Variants in CHRNB3 observed in about 807,000 individuals in gnomAD.
CHRNB3 encodes cholinergic receptor nicotinic beta 3 subunit.
In CHRNB3, 37 loss-of-function variants were observed where a neutral mutation model predicts 40.6. The ratio of observed to expected loss-of-function variants is 0.91; its 90% confidence interval spans 0.70 to 1.20. The LOEUF (loss-of-function observed/expected upper bound fraction) is 1.20, where lower values mean the gene tolerates loss of function less well. Among genes scored for constraint, CHRNB3 ranks in the 50% most tolerant of loss-of-function variants. The probability of loss-of-function intolerance (pLI) is 0.00; values close to 1 mark genes in which losing one functional copy is unlikely to be tolerated. For synonymous variants in CHRNB3, 207 were observed against 207.1 expected, an observed-to-expected ratio of 1.00 and a Z score of 0.00; for missense variants, 505 against 551.2, an observed-to-expected ratio of 0.92 and a Z score of 0.84.
At chr8:42,703,568 T>C (rs1815864686) in intron 1 of CHRNB3, among the ~76,000 whole-genome samples, 1 of 151,226 alleles carries the variant, frequency 6.6e-6, no homozygotes. Flanking sequence ...ATATAAGTTA[T>C]TTTGCAAATT....
At position 42,697,533 on chromosome 8, in the gene CHRNB3, A is replaced by C. The variant is rs779411567; in HGVS notation, c.-14A>C. On this transcript the variant is annotated 5_prime_UTR_variant, in exon 1 of 6. Transcript: ENST00000289957. Reference sequence around the variant, plus strand: ...TAAAAAGGAAGAAACTGTCTTTCTGAAACTGACATCACGATGCTCCCAGAT... The same window carrying C: ...TAAAAAGGAAGAAACTGTCTTTCTGCAACTGACATCACGATGCTCCCAGAT... 13 of 1,611,290 alleles carry C rather than the reference A, an allele frequency of 8.1e-6. No individual in the cohort carries two copies. The highest frequency in any genetic ancestry group is 1.6e-4 in the Middle Eastern group (1 of 6,078).
chr8:42,736,691 G>A lies in CHRNB3; in HGVS notation c.*73G>A. The A allele has an allele frequency of 6.4e-7, 1 of 1,562,020 alleles. No homozygotes were observed. The highest frequency in any genetic ancestry group is 2.2e-5 in the East Asian group (1 of 44,524). On this transcript the variant is annotated 3_prime_UTR_variant, in exon 6 of 6. Transcript: ENST00000289957. ...GCTATCACACAGACAGAATCCAAAT[G>A]CATGTGCTTGTTCTACGAACCCCGA...
rs746642865 is a variant in CHRNB3, at chr8:42,731,776, G to A, written c.469G>A (p.Val157Ile). 1 of 1,614,026 alleles carries A rather than the reference G, an allele frequency of 6.2e-7. No individual in the cohort carries two copies. The highest frequency in any genetic ancestry group is 2.2e-5 in the East Asian group (1 of 44,876). ...CTACAAAAGCTCCTGCACCATGGAC[G>A]TCACGTTTTTCCCGTTCGACCGACA... The part of the protein sequence containing the change: ...ASYKSSCTMD[V>I]TFFPFDRQNC... The change falls in exon 5 of 6, where the codon GTC becomes ATC. Residue 157 changes from valine (V) to isoleucine (I), a missense_variant. Coordinates refer to ENST00000289957, the MANE Select transcript of CHRNB3 (RefSeq NM_000749.5).
intron 3 of CHRNB3, among the ~76,000 whole-genome samples, chr8:42,726,655 T>G (rs995118592): frequency 7.9e-5 from 12 of 151,960 alleles, no homozygotes; most frequent in African/African-American, 2.4e-5. Flanking sequence ...CCCACCATCA[T>G]GCCCGGCTAA....
At position 42,736,465 on chromosome 8, in the gene CHRNB3, A is replaced by G. The variant is rs1239854077; in HGVS notation, c.1243-19A>G. Reference sequence around the variant, plus strand: ...TTGCTCAGTGTCTTGAGTGAAAGGCATCTTTTTCTCTTTTGCAGGTAGTAC... The same window carrying G: ...TTGCTCAGTGTCTTGAGTGAAAGGCGTCTTTTTCTCTTTTGCAGGTAGTAC... On this transcript the variant is annotated intron_variant, in intron 5 of 5. Coordinates refer to ENST00000289957, the MANE Select transcript of CHRNB3 (RefSeq NM_000749.5). 3.7e-6 allele frequency: 6 copies of G among 1,613,610 alleles called. No homozygotes were observed. Among genetic ancestry groups the G allele is most frequent in the South Asian group, 1.1e-5 (1 of 90,938 alleles).
chr8:42,725,934 C>G lies in CHRNB3; in HGVS notation c.250-4660C>G, dbSNP rs1816301209. On this transcript the variant is annotated intron_variant, in intron 3 of 5. Coordinates refer to ENST00000289957, the MANE Select transcript of CHRNB3 (RefSeq NM_000749.5). Reference sequence around the variant, plus strand: ...CAATGGTTCTCTGCACCAGTAAACTCACGCCATCAATCCTTTCGATGCGTA... The same window carrying G: ...CAATGGTTCTCTGCACCAGTAAACTGACGCCATCAATCCTTTCGATGCGTA... 2.2e-5 allele frequency: 20 copies of G among 925,438 alleles called. 1 individual carries two copies. In the South Asian group the frequency reaches 2.6e-4, roughly 12 times the overall value. 57.3% of individuals were successfully genotyped at this position (925,438 alleles called of 1,614,324 possible).
chr8:42,707,333 T>C (rs1158222471), intron 1 of CHRNB3, among the ~76,000 whole-genome samples: 1 of 152,216 alleles, frequency 6.6e-6, no homozygotes, highest in Non-Finnish European at 1.5e-5. Context: ...GGAGGGTATG[T>C]CTCTCATGAG....
chr8:42,700,048 C>T (rs1815757039), intron 1 of CHRNB3, among the ~76,000 whole-genome samples: 1 of 150,806 alleles, frequency 6.6e-6, no homozygotes, highest in Non-Finnish European at 1.5e-5. Context: ...GAGTCTCGCT[C>T]TGTCGCCCAG....
intron 3 of CHRNB3, among the ~76,000 whole-genome samples, chr8:42,724,502 A>T (rs908884754): frequency 6.6e-6 from 1 of 152,112 alleles, no homozygotes; most frequent in African/African-American, 2.4e-5. Flanking sequence ...GGCCCCAGGA[A>T]TCTCCAGATT....
In CHRNB3 at chr8:42,703,429, A is replaced by T. The variant is rs1349084817; in HGVS notation, c.53-5288A>T. Reference sequence around the variant, plus strand: ...ACAGAGCAAGACTTCGTCTAAAAAAAAAAAAAATATTTATATATATATATA... The same window carrying T: ...ACAGAGCAAGACTTCGTCTAAAAAATAAAAAAATATTTATATATATATATA... On this transcript the variant is annotated intron_variant, in intron 1 of 5. Coordinates refer to ENST00000289957, the MANE Select transcript of CHRNB3 (RefSeq NM_000749.5). Among the ~76,000 whole-genome samples the T allele has an allele frequency of 6.5e-3, 214 of 32,962 alleles. 2 individuals carry two copies. Among genetic ancestry groups the T allele is most frequent in the African/African-American group, 0.012 (204 of 16,548 alleles). The allele number at this position is 32,962 out of a possible 152,430, so 21.6% of individuals were successfully genotyped here. A position where few individuals can be genotyped will look rare whatever the true frequency, so the allele number is the denominator to read the frequency against.
At chr8:42,717,800 A>G (rs1372665713) in intron 3 of CHRNB3, among the ~76,000 whole-genome samples, 3 of 140,600 alleles carry the variant, frequency 2.1e-5, no homozygotes, top group Admixed American at 1.4e-4. Flanking sequence ...TTCTGTTGCC[A>G]CCTTTGAGCT....
Position 42,736,468 on chromosome 8 carries a change from T to A in CHRNB3, c.1243-16T>A. ...CTCAGTGTCTTGAGTGAAAGGCATC[T>A]TTTTCTCTTTTGCAGGTAGTACAAG... On this transcript the variant is annotated splice_polypyrimidine_tract_variant and intron_variant, in intron 5 of 5. Transcript: ENST00000289957. The A allele has an allele frequency of 6.2e-7, 1 of 1,613,586 alleles. No homozygotes were observed. The highest frequency in any genetic ancestry group is 8.5e-7 in the Non-Finnish European group (1 of 1,179,870).
At chr8:42,705,481 G>C (rs1337489575) in intron 1 of CHRNB3, 2 of 152,210 alleles carry the variant, frequency 1.3e-5, no homozygotes, top group Non-Finnish European at 2.9e-5. Flanking sequence ...ATCATGGGAG[G>C]GGTTGGCACC....
At chr8:42,726,520 T>G (rs1419036503) in intron 3 of CHRNB3, among the ~76,000 whole-genome samples, 1 of 150,014 alleles carries the variant, frequency 6.7e-6, no homozygotes, top group Non-Finnish European at 1.5e-5. Flanking sequence ...AGCTCTGTCA[T>G]CCAGAGCCAA....
chr8:42,725,736 G>C, intron 3 of CHRNB3: 1 of 922,284 alleles, frequency 1.1e-6, no homozygotes, highest in Non-Finnish European at 1.8e-6. Context: ...CTGTCAGAGG[G>C]ATGGTCTTAT....
rs71221230 is a variant in CHRNB3, at chr8:42,717,403, A to AAAAG, written c.249+6971_249+6972insAGAA. ...AAAAAAAAAAAAAAAAAAAAAAAAA[A>AAAAG]AAGCCGACCTGTTGTGGAAAGGTCA... is the stretch of plus-strand genomic sequence containing the variant. On this transcript the variant is annotated intron_variant, in intron 3 of 5. Coordinates refer to ENST00000289957, the MANE Select transcript of CHRNB3 (RefSeq NM_000749.5). Among the ~76,000 whole-genome samples, 282 of 50,894 alleles carry AAAAG rather than the reference A, an allele frequency of 5.5e-3. 113 individuals carry two copies. Among genetic ancestry groups the AAAAG allele is most frequent in the East Asian group, 0.016 (25 of 1,566 alleles). 33.4% of individuals were successfully genotyped at this position (50,894 alleles called of 152,430 possible). A position where few individuals can be genotyped will look rare whatever the true frequency, so the allele number is the denominator to read the frequency against.
chr8:42,715,563 A>C (rs1816084248), intron 3 of CHRNB3, among the ~76,000 whole-genome samples: 1 of 152,158 alleles, frequency 6.6e-6, no homozygotes, highest in South Asian at 2.1e-4. Flanking sequence ...TTGGAACAAA[A>C]GCATGTTCCA....
At chr8:42,708,132 A>G (rs1815949324) in intron 1 of CHRNB3, among the ~76,000 whole-genome samples, 1 of 152,208 alleles carries the variant, frequency 6.6e-6, no homozygotes, top group Non-Finnish European at 1.5e-5. Context: ...TGTTGACCCC[A>G]TGATGGGAAA....
intron 3 of CHRNB3, among the ~76,000 whole-genome samples, chr8:42,715,731 G>A (rs1816087983): frequency 6.6e-6 from 1 of 152,036 alleles, no homozygotes; most frequent in African/African-American, 2.4e-5. Context: ...GTGACATCCA[G>A]AGGAAGTCTT....
Sources: gnomAD v4.1 joint callset for allele counts (sites outside exome capture counted in the v4.1 genomes callset) on GRCh38, gnomAD v4.1.1 for gene constraint, MANE v1.5 for transcripts, NCBI Gene and HGNC (gene_info 2026-07-23, HGNC 2026-07-21) for gene names.